PRKN: variants seen among roughly 807,000 people sequenced by gnomAD.
PRKN encodes E3 ubiquitin-protein ligase parkin.
A neutral mutation model predicts 59.5 loss-of-function variants in PRKN; 56 were observed. That is an observed-to-expected ratio of 0.94 (90% CI 0.76 to 1.18). The LOEUF (loss-of-function observed/expected upper bound fraction) is 1.18. Ranked by LOEUF, PRKN falls within the 50% of genes most tolerant of loss-of-function variation. The pLI is 0.00. For missense variants in PRKN, 657 were observed against 596.4 expected, an observed-to-expected ratio of 1.10 and a Z score of -1.06; for synonymous variants, 250 against 222.1, an observed-to-expected ratio of 1.13 and a Z score of -1.12.
intron 1 of PRKN, among the ~76,000 whole-genome samples, chr6:162,603,793 C>T (rs577038616): frequency 1.3e-5 from 2 of 152,088 alleles, no homozygotes; most frequent in Non-Finnish European, 2.9e-5. Context: ...ACGTGCCATC[C>T]ACAGATGGGA....
At chr6:162,702,713 G>A (rs1003547523) in intron 1 of PRKN, among the ~76,000 whole-genome samples, 5 of 152,154 alleles carry the variant, frequency 3.3e-5, no homozygotes, top group African/African-American at 1.2e-4. Context: ...ACAGCAGGCT[G>A]TCTACCTTAT....
At chr6:162,516,688 G>A (rs1394333012) in intron 1 of PRKN, among the ~76,000 whole-genome samples, 2 of 151,520 alleles carry the variant, frequency 1.3e-5, no homozygotes, top group Admixed American at 6.6e-5. Flanking sequence ...ACTTGAGTTC[G>A]GGAGGTGGAG....
intron 4 of PRKN, among the ~76,000 whole-genome samples, chr6:162,149,792 C>G (rs185190016): frequency 1.2e-4 from 19 of 152,204 alleles, no homozygotes; most frequent in South Asian, 4.2e-4. Context: ...GTCAGTGTCA[C>G]TAACGTGGAA....
intron 7 of PRKN, among the ~76,000 whole-genome samples, chr6:161,772,736 G>C (rs556441255): frequency 1.3e-5 from 2 of 152,104 alleles, no homozygotes; most frequent in East Asian, 3.9e-4. Flanking sequence ...TGATGAAAAA[G>C]ATAATAAACT....
chr6:162,076,737 T>A (rs1391274501), intron 4 of PRKN, among the ~76,000 whole-genome samples: 1 of 152,194 alleles, frequency 6.6e-6, no homozygotes, highest in African/African-American at 2.4e-5. Flanking sequence ...TCATTTATCC[T>A]CCTTTTAGAT....
At chr6:162,005,769 C>CT (rs886890315) in intron 5 of PRKN, among the ~76,000 whole-genome samples, 6 of 152,018 alleles carry the variant, frequency 3.9e-5, no homozygotes, top group Non-Finnish European at 8.8e-5. Flanking sequence ...CAAATCTAAC[C>CT]TTTTTTGGGG....
chr6:162,233,370 T>C (rs952293566), intron 3 of PRKN, among the ~76,000 whole-genome samples: 15 of 152,308 alleles, frequency 9.8e-5, no homozygotes, highest in African/African-American at 3.6e-4. Context: ...TATCTCGTAA[T>C]TCAGATTGAA....
At chr6:162,372,702 A>G (rs1785837075) in intron 2 of PRKN, among the ~76,000 whole-genome samples, 1 of 152,214 alleles carries the variant, frequency 6.6e-6, no homozygotes, top group African/African-American at 2.4e-5. Context: ...TACCACCTGA[A>G]TGTAAAATAA....
chr6:162,229,016 T>C (rs1778307315), intron 3 of PRKN, among the ~76,000 whole-genome samples: 1 of 152,222 alleles, frequency 6.6e-6, no homozygotes, highest in Non-Finnish European at 1.5e-5. Flanking sequence ...GGACCACTTC[T>C]GTTTTCTATC....
intron 5 of PRKN, among the ~76,000 whole-genome samples, chr6:161,995,580 T>A (rs1314242430): frequency 6.6e-6 from 1 of 151,218 alleles, no homozygotes; most frequent in Non-Finnish European, 1.5e-5. Context: ...AATAAACCCA[T>A]CAAAAAGTGA....
At chr6:161,898,770 T>A (rs888188523) in intron 6 of PRKN, among the ~76,000 whole-genome samples, 1 of 152,096 alleles carries the variant, frequency 6.6e-6, no homozygotes, top group Admixed American at 6.6e-5. Context: ...TTTTGGTGAT[T>A]CCCCCTCCCT....
At chr6:162,259,018 C>T (rs979954029) in intron 3 of PRKN, among the ~76,000 whole-genome samples, 2 of 152,138 alleles carry the variant, frequency 1.3e-5, no homozygotes, top group African/African-American at 4.8e-5. Context: ...TTAGAGCCCT[C>T]CCACGTCCAG....
At chr6:162,689,145 G>C (rs897846545) in intron 1 of PRKN, among the ~76,000 whole-genome samples, 3 of 152,212 alleles carry the variant, frequency 2.0e-5, no homozygotes, top group Non-Finnish European at 2.9e-5. Context: ...GTCGTACAGA[G>C]CACACTGCTC....
intron 6 of PRKN, among the ~76,000 whole-genome samples, chr6:161,859,524 T>C (rs896429116): frequency 6.6e-6 from 1 of 151,142 alleles, no homozygotes; most frequent in Non-Finnish European, 1.5e-5. Flanking sequence ...GGCAGAAGAA[T>C]TGCTTGAATC....
rs539669661 is a variant in PRKN, at chr6:161,391,937, A to T, written c.1084-5060T>A. ...TTCCTTCCAGTAAATCTCTCCATATATCTGTGTATACACAGATATATAGAT... is the reference window on the plus strand; with the variant it reads ...TTCCTTCCAGTAAATCTCTCCATATTTCTGTGTATACACAGATATATAGAT... On this transcript the variant is annotated intron_variant, in intron 9 of 11. Coordinates refer to ENST00000366898, the MANE Select transcript of PRKN (RefSeq NM_004562.3). This position sits in a 1 kb window ranked among gnomAD's most constrained non-coding sequence, Gnocchi z 4.9. 9.9e-5 allele frequency among the ~76,000 whole-genome samples: 15 copies of T among 151,972 alleles called. No homozygotes were observed. Among genetic ancestry groups the T allele is most frequent in the Non-Finnish European group, 1.8e-4 (12 of 67,974 alleles).
At chr6:162,462,661 C>A (rs1401149432) in intron 1 of PRKN, among the ~76,000 whole-genome samples, 1 of 152,092 alleles carries the variant, frequency 6.6e-6, no homozygotes, top group Non-Finnish European at 1.5e-5. Flanking sequence ...ATAATTATAT[C>A]CTTCAATAGA....
chr6:161,689,312 T>C (rs1442665172), intron 7 of PRKN, among the ~76,000 whole-genome samples: 1 of 152,162 alleles, frequency 6.6e-6, no homozygotes, highest in African/African-American at 2.4e-5. Context: ...CAACAGCTTC[T>C]GTCATATTCC....
At chr6:162,285,732 T>C (rs2128107633) in intron 2 of PRKN, among the ~76,000 whole-genome samples, 1 of 152,300 alleles carries the variant, frequency 6.6e-6, no homozygotes, top group Middle Eastern at 3.4e-3. Context: ...CGACACCAGA[T>C]GACCTGATTT....
rs541039093 is a variant in PRKN, at chr6:162,610,465, C to T, written c.7+117197G>A. 1.1e-4 allele frequency among the ~76,000 whole-genome samples: 16 copies of T among 152,292 alleles called. 1 individual carries two copies. The highest frequency in any genetic ancestry group is 4.1e-4 in the South Asian group (2 of 4,830). On this transcript the variant is annotated intron_variant, in intron 1 of 11. Coordinates refer to ENST00000366898, the MANE Select transcript of PRKN (RefSeq NM_004562.3). ...ACATGGAAGCAACCATGTCCTGCTA[C>T]GATTCCTCACCAGGCTCACATATTG...
Sources: allele counts gnomAD v4.1 joint callset (sites outside exome capture counted in the v4.1 genomes callset), GRCh38; gene constraint gnomAD v4.1.1; non-coding constraint Gnocchi (gnomAD v3.1); transcripts MANE v1.5; gene names NCBI Gene and HGNC (gene_info 2026-07-23, HGNC 2026-07-21).